HDAC9: variants seen among roughly 807,000 people sequenced by gnomAD.
HDAC9 encodes histone deacetylase 9.
HDAC9 carries 41 observed loss-of-function variants against 139.4 expected under a neutral mutation model. The observed-to-expected ratio is 0.29, with a 90% confidence interval of 0.23 to 0.38. The LOEUF (loss-of-function observed/expected upper bound fraction) is 0.38. HDAC9 is among the 10% of genes least tolerant of loss of function. The probability of loss-of-function intolerance (pLI) is 1.00; values close to 1 mark genes in which losing one functional copy is unlikely to be tolerated. For synonymous variants in HDAC9, 517 were observed against 476.2 expected, an observed-to-expected ratio of 1.09 and a Z score of -1.12; for missense variants, 1,147 against 1,297.0, an observed-to-expected ratio of 0.88 and a Z score of 1.78.
intron 6 of HDAC9, among the ~76,000 whole-genome samples, chr7:18,609,871 A>G (rs1014972426): frequency 6.7e-6 from 1 of 150,084 alleles, no homozygotes; most frequent in Non-Finnish European, 1.5e-5. Flanking sequence ...ATGAGTGAGA[A>G]CATGCGGTGT....
At chr7:18,522,874 G>T (rs1805538743) in intron 2 of HDAC9, among the ~76,000 whole-genome samples, 1 of 152,180 alleles carries the variant, frequency 6.6e-6, no homozygotes, top group Non-Finnish European at 1.5e-5. Context: ...GCTCAAAGAG[G>T]CTGAATAACT....
chr7:18,116,744 A>G (rs1784015775), intron 1 of HDAC9, among the ~76,000 whole-genome samples: 1 of 152,132 alleles, frequency 6.6e-6, no homozygotes, highest in Non-Finnish European at 1.5e-5. Flanking sequence ...TCAGTGCTGT[A>G]TTTCATAGTG....
chr7:18,564,777 A>G (rs1440159478), intron 2 of HDAC9, among the ~76,000 whole-genome samples: 1 of 152,002 alleles, frequency 6.6e-6, no homozygotes, highest in Non-Finnish European at 1.5e-5. Context: ...TTTCAATTTT[A>G]TACCTTTTTA....
intron 13 of HDAC9, among the ~76,000 whole-genome samples, chr7:18,743,058 A>G (rs1787602230): frequency 6.6e-6 from 1 of 152,190 alleles, no homozygotes; most frequent in African/African-American, 2.4e-5. Context: ...TAATATCCGT[A>G]GTATATTCTC....
chr7:18,971,188 G>GA (rs1356679694), intron 24 of HDAC9, among the ~76,000 whole-genome samples: 5 of 151,790 alleles, frequency 3.3e-5, no homozygotes, highest in East Asian at 1.9e-4. Flanking sequence ...ACTTTTGCCA[G>GA]AAAAAAACAA....
At chr7:18,338,684 G>A (rs1384063313) in intron 1 of HDAC9, among the ~76,000 whole-genome samples, 3 of 151,356 alleles carry the variant, frequency 2.0e-5, no homozygotes, top group African/African-American at 7.3e-5. Context: ...TTTATATAGT[G>A]TTGTATTCTA....
chr7:18,636,751 A>G (rs1457652474), intron 8 of HDAC9, among the ~76,000 whole-genome samples: 1 of 152,130 alleles, frequency 6.6e-6, no homozygotes, highest in African/African-American at 2.4e-5. Flanking sequence ...AGCCAGAGAC[A>G]TAAGTGGAGT....
intron 2 of HDAC9, among the ~76,000 whole-genome samples, chr7:18,542,004 T>G (rs1282340287): frequency 6.6e-6 from 1 of 152,096 alleles, no homozygotes; most frequent in Non-Finnish European, 1.5e-5. Context: ...TGTTGTGGGG[T>G]GCCATCCTTC....
intron 22 of HDAC9, among the ~76,000 whole-genome samples, chr7:18,878,023 T>C (rs1212500716): frequency 6.6e-6 from 1 of 152,152 alleles, no homozygotes; most frequent in African/African-American, 2.4e-5. Flanking sequence ...AGCATCAAAC[T>C]GTACCTTGAA....
At chr7:18,626,912 A>G (rs1841872277) in intron 6 of HDAC9, among the ~76,000 whole-genome samples, 1 of 152,144 alleles carries the variant, frequency 6.6e-6, no homozygotes, top group Non-Finnish European at 1.5e-5. Context: ...GATGCAATAT[A>G]TTAGGAGAGG....
chr7:18,110,332 T>C (rs998241825), intron 1 of HDAC9, among the ~76,000 whole-genome samples: 1 of 152,166 alleles, frequency 6.6e-6, no homozygotes, highest in African/African-American at 2.4e-5. Context: ...AGAGGATAGA[T>C]ATAGTCATAA....
intron 6 of HDAC9, among the ~76,000 whole-genome samples, chr7:18,596,320 G>C (rs1832480838): frequency 6.6e-6 from 1 of 152,064 alleles, no homozygotes; most frequent in Non-Finnish European, 1.5e-5. Context: ...ATTAAATACA[G>C]ATGCTTTCTA....
intron 6 of HDAC9, among the ~76,000 whole-genome samples, chr7:18,617,427 G>T (rs1361072750): frequency 6.6e-6 from 1 of 152,080 alleles, no homozygotes; most frequent in African/African-American, 2.4e-5. Flanking sequence ...AAATCTTTCT[G>T]TTTCCCATTC....
chr7:18,401,043 G>C (rs1195354561), intron 1 of HDAC9, among the ~76,000 whole-genome samples: 2 of 152,078 alleles, frequency 1.3e-5, no homozygotes, highest in Non-Finnish European at 1.5e-5. Context: ...GGCTGTTTAT[G>C]GGCTTTCTGG....
chr7:18,376,601 C>T (rs545071690), intron 1 of HDAC9, among the ~76,000 whole-genome samples: 13 of 152,162 alleles, frequency 8.5e-5, no homozygotes, highest in Non-Finnish European at 1.8e-4. Context: ...TTGATGCAGA[C>T]TTCTGGTTAA....
At chr7:18,602,163 T>C (rs1834128862) in intron 6 of HDAC9, among the ~76,000 whole-genome samples, 1 of 152,264 alleles carries the variant, frequency 6.6e-6, no homozygotes, top group East Asian at 1.9e-4. Context: ...ATTTAAATTA[T>C]GTTTTTCTCC....
chr7:18,666,392 G>C lies in HDAC9; in HGVS notation c.1647G>C (p.Lys549Asn). ...CACTGGGACAAGTTGGGGCTGTGAA[G>C]GTCAAGGAGGAACCAGTGGACAGTG... is the stretch of plus-strand genomic sequence containing the variant. ...DDTLGQVGAV[K>N]VKEEPVDSDE... Residue 549 changes from lysine to asparagine, a missense_variant, in exon 12 of 26, where the codon AAG becomes AAC. By Grantham distance (94) the Lys-to-Asn change is moderately conservative. Around this residue, in one of 7 missense-constraint regions of HDAC9, gnomAD observed 256 missense variants for 219.2 expected, o/e 1.17. Transcript: ENST00000686413. 6.2e-7 allele frequency: 1 copy of C among 1,613,180 alleles called. No homozygotes were observed. Among genetic ancestry groups the C allele is most frequent in the Non-Finnish European group, 8.5e-7 (1 of 1,179,566 alleles).
chr7:18,221,805 C>G (rs1319963281), intron 2 of HDAC9, among the ~76,000 whole-genome samples: 2 of 152,054 alleles, frequency 1.3e-5, no homozygotes, highest in African/African-American at 4.8e-5. Context: ...TATCTAGTCA[C>G]AGGGCTGTTC....
At chr7:18,093,974 T>C (rs1294722910) in intron 1 of HDAC9, among the ~76,000 whole-genome samples, 1 of 152,196 alleles carries the variant, frequency 6.6e-6, no homozygotes, top group Non-Finnish European at 1.5e-5. Context: ...CTATTTTCTG[T>C]TAATTTTACT....
Sources: allele counts gnomAD v4.1 joint callset (sites outside exome capture counted in the v4.1 genomes callset), GRCh38; gene constraint gnomAD v4.1.1; regional missense constraint gnomAD v4.1.1; transcripts MANE v1.5; gene names NCBI Gene and HGNC (gene_info 2026-07-23, HGNC 2026-07-21).